NHSL3: variants seen among roughly 807,000 people sequenced by gnomAD.
NHSL3 encodes the protein NHS-like protein 3.
the NHSL3 span, among the ~76,000 whole-genome samples, chr1:32,767,157 A>T: frequency 1.3e-5 from 2 of 152,244 alleles, no homozygotes; most frequent in African/African-American, 4.8e-5. Flanking sequence ...ATTTCCCGTG[A>T]TATCTTCTTC....
the NHSL3 span, chr1:32,773,026 G>C: frequency 1.3e-6 from 1 of 774,772 alleles, no homozygotes; most frequent in South Asian, 1.5e-5. Context: ...CACGGCCTTC[G>C]ATACTTATGC....
the NHSL3 span, chr1:32,773,134 G>A: frequency 3.6e-6 from 2 of 562,256 alleles, no homozygotes; most frequent in African/African-American, 3.8e-5. Flanking sequence ...CTTGGCCTTA[G>A]CCTCATCTTG....
the NHSL3 span, among the ~76,000 whole-genome samples, chr1:32,760,150 G>T: frequency 6.6e-6 from 1 of 152,242 alleles, no homozygotes; most frequent in Non-Finnish European, 1.5e-5. Flanking sequence ...TGGCTCATGG[G>T]CTGGCCAGGG....
At chr1:32,768,004 C>T in the NHSL3 span, 1 of 1,612,504 alleles carries the variant, frequency 6.2e-7, no homozygotes, top group Non-Finnish European at 8.5e-7. Flanking sequence ...TCCAGTGCTG[C>T]ACTGTCAGCT....
At chr1:32,769,054 T>C in the NHSL3 span, 2 of 306,738 alleles carry the variant, frequency 6.5e-6, no homozygotes, top group Non-Finnish European at 1.2e-5. Flanking sequence ...ATCGAGACCA[T>C]CCTGGCTAAC....
the NHSL3 span, among the ~76,000 whole-genome samples, chr1:32,768,366 G>A: frequency 6.6e-6 from 1 of 152,212 alleles, no homozygotes; most frequent in Middle Eastern, 3.4e-3. Context: ...CGCTGAGGTG[G>A]GCGGATCACT....
the NHSL3 span, chr1:32,768,082 G>C: frequency 6.8e-6 from 11 of 1,614,072 alleles, no homozygotes; most frequent in Middle Eastern, 1.7e-4. Context: ...ACTGAACAAG[G>C]GTGGCTGGGA....
the NHSL3 span, among the ~76,000 whole-genome samples, chr1:32,765,137 G>A: frequency 2.0e-5 from 3 of 152,248 alleles, no homozygotes; most frequent in African/African-American, 7.2e-5. Flanking sequence ...CTGAACCTAT[G>A]TATGAGGGGC....
the NHSL3 span, among the ~76,000 whole-genome samples, chr1:32,743,239 A>G: frequency 6.6e-6 from 1 of 152,158 alleles, no homozygotes; most frequent in South Asian, 2.1e-4. Flanking sequence ...GTGCGGGCCC[A>G]TCCCATTCTG....
chr1:32,751,050 A>T, the NHSL3 span, among the ~76,000 whole-genome samples: 3 of 151,896 alleles, frequency 2.0e-5, no homozygotes, highest in Non-Finnish European at 4.4e-5. Flanking sequence ...ACCTCAGGTG[A>T]TCTGCCCGCC....
At chr1:32,762,932 C>T in the NHSL3 span, among the ~76,000 whole-genome samples, 1 of 152,030 alleles carries the variant, frequency 6.6e-6, no homozygotes, top group Non-Finnish European at 1.5e-5. Flanking sequence ...ACCTCAGCCT[C>T]CCAAAGTGCT....
chr1:32,755,614 G>A, the NHSL3 span, among the ~76,000 whole-genome samples: 6 of 152,260 alleles, frequency 3.9e-5, no homozygotes, highest in South Asian at 1.0e-3. Flanking sequence ...TACTGTTCTG[G>A]CTAGCCATTT....
At chr1:32,772,433 C>T in the NHSL3 span, 74 of 1,521,272 alleles carry the variant, frequency 4.9e-5, no homozygotes, top group Non-Finnish European at 5.9e-5. Context: ...ATGGGCCTCC[C>T]GGGCTCAGGT....
At chr1:32,772,154 A>G in the NHSL3 span, 4 of 1,613,368 alleles carry the variant, frequency 2.5e-6, no homozygotes, top group Non-Finnish European at 3.4e-6. Flanking sequence ...CCTGAGACCC[A>G]GGCTGACCTC....
At chr1:32,767,740 G>A in the NHSL3 span, 1 of 1,534,450 alleles carries the variant, frequency 6.5e-7, no homozygotes, top group Non-Finnish European at 8.8e-7. Context: ...GCCCCTGCAG[G>A]GCCCAGATGC....
At chr1:32,768,972 CG>C in the NHSL3 span, 36 of 645,532 alleles carry the variant, frequency 5.6e-5, no homozygotes, top group Non-Finnish European at 8.4e-5. Context: ...TCTTGGCGGC[CG>C]GGTGCGGTGG....
At chr1:32,771,566 C>G in the NHSL3 span, 4 of 1,609,972 alleles carry the variant, frequency 2.5e-6, no homozygotes, top group Non-Finnish European at 3.4e-6. Flanking sequence ...GCTTTTTTCT[C>G]TGTGGCCAGC....
the NHSL3 span, among the ~76,000 whole-genome samples, chr1:32,756,038 G>C: frequency 1.3e-5 from 2 of 152,182 alleles, no homozygotes; most frequent in African/African-American, 4.8e-5. Context: ...TTGAGGAAGT[G>C]GCCTGGGGCT....
chr1:32,769,845 C>T, the NHSL3 span: 378 of 1,611,458 alleles, frequency 2.3e-4, 7 homozygotes, highest in South Asian at 3.9e-3. Context: ...GTCATCCCCT[C>T]TCTGCTGACC....
Sources: gnomAD v4.1 joint callset for allele counts (sites outside exome capture counted in the v4.1 genomes callset) on GRCh38, gnomAD v4.1.1 for gene constraint, MANE v1.5 for transcripts, NCBI Gene and HGNC (gene_info 2026-07-23, HGNC 2026-07-21) for gene names.